The following FAT3 variants were observed in gnomAD, a reference collection of about 807,000 sequenced individuals.
FAT3 encodes the protein protocadherin Fat 3.
In FAT3, 95 loss-of-function variants were observed where a neutral mutation model predicts 310.2. The ratio of observed to expected loss-of-function variants is 0.31; its 90% CI spans 0.26 to 0.36. The LOEUF is 0.36. Among genes scored for constraint, FAT3 ranks in the 10% least tolerant of loss-of-function variants. FAT3 has a pLI of 1.00. For synonymous variants in FAT3, 2,314 were observed against 2,192.9 expected (o/e 1.06, Z -1.54); for missense variants, 5,408 against 5,715.6 (o/e 0.95, Z 1.74).
At chr11:92,521,604 T>C (rs985670414) in intron 2 of FAT3, among the ~76,000 whole-genome samples, 3 of 152,104 alleles carry the variant, frequency 2.0e-5, no homozygotes, top group African/African-American at 7.2e-5. Flanking sequence ...CAAGATTCGC[T>C]TGGGTTGAAC....
chr11:92,526,775 T>C (rs1953881422), intron 3 of FAT3, among the ~76,000 whole-genome samples: 1 of 152,234 alleles, frequency 6.6e-6, no homozygotes, highest in Admixed American at 6.5e-5. Context: ...AATTTCTCTC[T>C]TCTTGCCATA....
chr11:92,737,881 C>T (rs1480667860), intron 4 of FAT3, among the ~76,000 whole-genome samples: 1 of 152,028 alleles, frequency 6.6e-6, no homozygotes, highest in East Asian at 1.9e-4. Context: ...CCCTGCCATC[C>T]TTGGAATCAG....
At chr11:92,286,348 G>A (rs1946562017) in intron 1 of FAT3, among the ~76,000 whole-genome samples, 1 of 152,120 alleles carries the variant, frequency 6.6e-6, no homozygotes, top group African/African-American at 2.4e-5. Context: ...GCAGAAGCCT[G>A]GATAATCGAG....
intron 10 of FAT3, among the ~76,000 whole-genome samples, chr11:92,803,221 A>G (rs1947412510): frequency 6.6e-6 from 1 of 152,174 alleles, no homozygotes. Flanking sequence ...ATAGCCTCTG[A>G]ATTGTCAATG....
rs1863849711 is a variant in FAT3 at position 92,225,180 on chromosome 11, T to TG, written c.-18+10dup. ...GATCGCCAGCGGAGGCAAGGGTGCGTGGGGATTTGTAGCGTGATGATTTGG... is the reference window on the plus strand; with the variant it reads ...GATCGCCAGCGGAGGCAAGGGTGCGTGGGGGATTTGTAGCGTGATGATTTGG... On this transcript the variant is annotated splice_region_variant and intron_variant, in intron 1 of 27. Coordinates refer to ENST00000525166, the MANE Select transcript of FAT3 (RefSeq NM_001367949.2). Among the ~76,000 whole-genome samples the TG allele has an allele frequency of 6.6e-6, 1 of 151,780 alleles. No individual in the cohort carries two copies. Among genetic ancestry groups the TG allele is most frequent in the African/African-American group, 2.4e-5 (1 of 41,270 alleles).
chr11:92,701,867 T>C (rs1336915302), intron 4 of FAT3, among the ~76,000 whole-genome samples: 1 of 152,182 alleles, frequency 6.6e-6, no homozygotes, highest in Admixed American at 6.5e-5. Context: ...TGGATTGTGT[T>C]TTTTTGTTGT....
chr11:92,226,450 G>T (rs1863911954), intron 1 of FAT3, among the ~76,000 whole-genome samples: 1 of 151,982 alleles, frequency 6.6e-6, no homozygotes, highest in South Asian at 2.1e-4. Context: ...AGGGGTGGCC[G>T]GAGTTTGGCT....
chr11:92,705,673 A>G (rs111218632), intron 4 of FAT3, among the ~76,000 whole-genome samples: 21 of 2,834 alleles, frequency 7.4e-3, no homozygotes, highest in South Asian at 0.02. Context: ...GTGATGGTGT[A>G]GTGATCGTGG....
At chr11:92,729,098 A>T (rs1945093193) in intron 4 of FAT3, among the ~76,000 whole-genome samples, 1 of 152,158 alleles carries the variant, frequency 6.6e-6, no homozygotes, top group South Asian at 2.1e-4. Flanking sequence ...CTTATCCTGA[A>T]GGTAGGGTGA....
intron 2 of FAT3, among the ~76,000 whole-genome samples, chr11:92,441,759 G>A (rs570127576): frequency 6.6e-6 from 1 of 152,202 alleles, no homozygotes; most frequent in African/African-American, 2.4e-5. Context: ...AGTGGACCTA[G>A]GTAAGAATTT....
In FAT3 at chr11:92,497,913, C is replaced by T. The variant is rs186410880; in HGVS notation, c.3293-26721C>T. ...GAAACAGGCATAAACACAAGAGAAT[C>T]TGGTTTTCAGATCCCTTTTATGTTG... On this transcript the variant is annotated intron_variant, in intron 2 of 27. Coordinates refer to ENST00000525166, the MANE Select transcript of FAT3 (RefSeq NM_001367949.2). Among the ~76,000 whole-genome samples, 202 of 152,108 alleles carry T rather than the reference C, an allele frequency of 1.3e-3. 2 individuals carry two copies. The highest frequency in any genetic ancestry group is 1.6e-4 in the Non-Finnish European group (11 of 67,954).
At chr11:92,457,184 C>T (rs981364333) in intron 2 of FAT3, among the ~76,000 whole-genome samples, 2 of 152,192 alleles carry the variant, frequency 1.3e-5, no homozygotes, top group African/African-American at 2.4e-5. Flanking sequence ...CTAAGCCTCT[C>T]TTTAATCGTG....
intron 1 of FAT3, among the ~76,000 whole-genome samples, chr11:92,324,238 C>G (rs568782296): frequency 1.1e-4 from 17 of 152,242 alleles, no homozygotes; most frequent in Admixed American, 9.8e-4. Flanking sequence ...AGAATTTTTT[C>G]TTTTCAGTCA....
Position 92,882,731 on chromosome 11 carries a change from G to A in FAT3, c.12282-7G>A, listed in dbSNP as rs369657805. On this transcript the variant is annotated splice_region_variant and splice_polypyrimidine_tract_variant and intron_variant, in intron 23 of 27. Coordinates refer to ENST00000525166, the MANE Select transcript of FAT3 (RefSeq NM_001367949.2). Reference sequence around the variant, plus strand: ...GACGGTGGGGAGGGGCTTCTGTGTCGCCGCAGGTGTGAGGAGGACATCAAT... The same window carrying A: ...GACGGTGGGGAGGGGCTTCTGTGTCACCGCAGGTGTGAGGAGGACATCAAT... 2,465 of 1,584,686 alleles carry A rather than the reference G, an allele frequency of 1.6e-3. 7 individuals are homozygous for A. The highest frequency in any genetic ancestry group is 1.9e-3 in the Non-Finnish European group (2,176 of 1,163,124).
At chr11:92,702,903 A>G (rs1466921777) in intron 4 of FAT3, among the ~76,000 whole-genome samples, 2 of 152,214 alleles carry the variant, frequency 1.3e-5, no homozygotes, top group African/African-American at 2.4e-5. Flanking sequence ...CCCAGTAACC[A>G]GTGTAAAGAC....
At chr11:92,416,588 C>A (rs1214048205) in intron 2 of FAT3, among the ~76,000 whole-genome samples, 7 of 152,160 alleles carry the variant, frequency 4.6e-5, no homozygotes, top group Non-Finnish European at 8.8e-5. Context: ...ACTTGAAGAG[C>A]CACTTGGTTC....
In FAT3 at chr11:92,761,769, C is replaced by G. The variant is rs572649770; in HGVS notation, c.3670-87C>G. On this transcript the variant is annotated intron_variant, in intron 4 of 27. Transcript: ENST00000525166. ...AGAATTTGGATAGGATAGCATTGTC[C>G]GTGCATTAGAAGAAACACCCATAGG... 15 of 1,190,566 alleles carry G rather than the reference C, an allele frequency of 1.3e-5. No homozygotes were observed. In the African/African-American group the frequency reaches 2.0e-4, roughly 16 times the overall value. The allele number at this position is 1,190,566 out of a possible 1,614,324, so 73.8% of individuals were successfully genotyped here.
chr11:92,541,182 A>G (rs1954437373), intron 3 of FAT3, among the ~76,000 whole-genome samples: 1 of 152,184 alleles, frequency 6.6e-6, no homozygotes, highest in South Asian at 2.1e-4. Context: ...CCAGGGTGCA[A>G]TGAAGGATAA....
At chr11:92,397,267 C>G (rs573217147) in intron 2 of FAT3, among the ~76,000 whole-genome samples, 2 of 152,040 alleles carry the variant, frequency 1.3e-5, no homozygotes, top group South Asian at 4.2e-4. Flanking sequence ...GTACATTTGC[C>G]CAGATGTTAA....
Sources: allele counts gnomAD v4.1 joint callset (sites outside exome capture counted in the v4.1 genomes callset), GRCh38; gene constraint gnomAD v4.1.1; transcripts MANE v1.5; gene names NCBI Gene and HGNC (gene_info 2026-07-23, HGNC 2026-07-21).